Variants in MYSM1 observed in about 807,000 individuals in gnomAD.
The protein encoded by MYSM1 is deubiquitinase MYSM1.
Under a neutral mutation model 116.0 loss-of-function variants are expected in MYSM1, and 51 were observed. That is an observed-to-expected ratio of 0.44 (90% CI 0.35 to 0.56). MYSM1 has a LOEUF of 0.56. MYSM1 is among the 20% of genes least tolerant of loss of function. MYSM1 has a pLI of 0.00. For missense variants in MYSM1, 900 were observed against 974.9 expected, an observed-to-expected ratio of 0.92 and a Z score of 1.02; for synonymous variants, 313 against 315.2, an observed-to-expected ratio of 0.99 and a Z score of 0.07.
chr1:58,698,856 A>G (rs1243028450), intron 1 of MYSM1, among the ~76,000 whole-genome samples: 4 of 152,200 alleles, frequency 2.6e-5, no homozygotes, highest in Non-Finnish European at 5.9e-5. Context: ...TCACGTCTTT[A>G]TAGGGCTTTA....
rs531371011 is a variant in MYSM1, at chr1:58,696,039, C to G, written c.69-832G>C. Among the ~76,000 whole-genome samples, 9 of 152,306 alleles carry G rather than the reference C, an allele frequency of 5.9e-5. No individual in the cohort carries two copies. In the East Asian group the frequency reaches 1.7e-3, roughly 29 times the overall value. On this transcript the variant is annotated intron_variant, in intron 1 of 19. Coordinates refer to ENST00000472487, the MANE Select transcript of MYSM1 (RefSeq NM_001085487.3). ...TTTCAACAGGCTTATAAATCTGAAT[C>G]TTTAATTAGGCAGTAGTTATAATAA...
rs764650089 is a variant in MYSM1, at chr1:58,665,642, A to G, written c.2032-11T>C. ...TCTGGAGAAGTAACTCTACAATGAC[A>G]AGAAAAATATAATTAGTTTCAACTA... On this transcript the variant is annotated splice_polypyrimidine_tract_variant and intron_variant, in intron 16 of 19. Transcript: ENST00000472487. The G allele has an allele frequency of 6.8e-7, 1 of 1,470,768 alleles. No individual in the cohort carries two copies. Among genetic ancestry groups the G allele is most frequent in the Non-Finnish European group, 9.4e-7 (1 of 1,069,080 alleles). The allele number at this position is 1,470,768 out of a possible 1,614,324, so 91.1% of individuals were successfully genotyped here.
At chr1:58,694,924 C>T (rs968208177) in intron 2 of MYSM1, among the ~76,000 whole-genome samples, 22 of 152,062 alleles carry the variant, frequency 1.4e-4, no homozygotes, top group African/African-American at 5.1e-4. Context: ...GGCTCCAAAC[C>T]TGTTTCTCAA....
rs946991810 is a variant in MYSM1 at position 58,658,267 on chromosome 1, A to G, written c.*1730T>C. Reference sequence around the variant, plus strand: ...TCTTACACTCTCAGCCCTCAAACTAATTGTTTTATAAGCTATACTTCACTG... The same window carrying G: ...TCTTACACTCTCAGCCCTCAAACTAGTTGTTTTATAAGCTATACTTCACTG... On this transcript the variant is annotated 3_prime_UTR_variant, in exon 20 of 20. Transcript: ENST00000472487. 3 of 152,130 alleles carry G rather than the reference A, an allele frequency of 2.0e-5. No homozygotes were observed. Among genetic ancestry groups the G allele is most frequent in the African/African-American group, 7.2e-5 (3 of 41,426 alleles). The allele number at this position is 152,130 out of a possible 1,614,324, so 9.4% of individuals were successfully genotyped here. A position where few individuals can be genotyped will look rare whatever the true frequency, so the allele number is the denominator to read the frequency against.
rs1288315988 is a variant in MYSM1 at position 58,682,379 on chromosome 1, T to A, written c.665A>T (p.Glu222Val). Residue 222 changes from glutamate to valine, a missense_variant, in exon 8 of 20, where the codon GAA (glutamate) becomes GTA (valine). Around this residue, in one of 3 missense-constraint regions of MYSM1, gnomAD observed 622 missense variants for 623.7 expected, o/e 1.00. Transcript: ENST00000472487. ...GTCCACCTCATCTGTGATGTCTACT[T>A]CTTCATCATCAGATAACTTTTCAAT... ...VKIEKLSDDE[E>V]VDITDEVDEL... 1 of 1,613,922 alleles carries A rather than the reference T, an allele frequency of 6.2e-7. No individual in the cohort carries two copies. Among genetic ancestry groups the A allele is most frequent in the Admixed American group, 1.7e-5 (1 of 60,022 alleles).
chr1:58,660,833 C>T (rs879058794), intron 19 of MYSM1, among the ~76,000 whole-genome samples: 1 of 151,970 alleles, frequency 6.6e-6, no homozygotes, highest in Non-Finnish European at 1.5e-5. Flanking sequence ...TACCATCATT[C>T]TTAAAAATGA....
At position 58,699,899 on chromosome 1, in the gene MYSM1, C is replaced by T. The variant is rs796996492; in HGVS notation, c.68+86G>A. 8.5e-5 allele frequency: 135 copies of T among 1,592,624 alleles called. No individual in the cohort carries two copies. The African/African-American group carries it at 1.7e-3, about 20-fold the overall frequency. On this transcript the variant is annotated intron_variant, in intron 1 of 19. Transcript: ENST00000472487. The stretch of plus-strand genomic sequence containing the variant: ...GGGACAGTCTTCTGTTCCCTTTTCC[C>T]TTGCCGGACCTGCAGCTTTCCCAGG...
chr1:58,674,207 T>C (rs895757606), intron 10 of MYSM1, among the ~76,000 whole-genome samples: 10 of 152,200 alleles, frequency 6.6e-5, no homozygotes, highest in Non-Finnish European at 1.5e-4. Context: ...AGAAAATGGC[T>C]TCCTTTTCAA....
chr1:58,699,873 G>T, intron 1 of MYSM1, 112 bp downstream of exon 1: 1 of 1,521,276 alleles, frequency 6.6e-7, no homozygotes, highest in African/African-American at 1.4e-5. Flanking sequence ...CCCTGGCCCA[G>T]GGGACAGTCT....
chr1:58,700,030 ACATCC>A lies in MYSM1; in HGVS notation c.18_22del (p.Asp7GlyfsTer18), dbSNP rs1645040196. On this transcript the variant is annotated frameshift_variant, in exon 1 of 20. Transcript: ENST00000472487. LOFTEE classifies it high-confidence loss of function. ...CGCTACCACGTCCCCTTCGATATCC[ACATCC>A]GCCTCTTCAGCCGCCATGATGGGAC... 5 of 1,613,374 alleles carry A rather than the reference ACATCC, an allele frequency of 3.1e-6. No homozygotes were observed. Among genetic ancestry groups the A allele is most frequent in the Non-Finnish European group, 4.2e-6 (5 of 1,179,938 alleles).
At chr1:58,674,766 A>G (rs1644619534) in intron 10 of MYSM1, among the ~76,000 whole-genome samples, 1 of 151,954 alleles carries the variant, frequency 6.6e-6, no homozygotes, top group African/African-American at 2.4e-5. Flanking sequence ...TCTACTAAAA[A>G]TACAAAAAAA....
intron 7 of MYSM1, among the ~76,000 whole-genome samples, chr1:58,684,673 C>G (rs1019760844): frequency 6.6e-6 from 1 of 151,852 alleles, no homozygotes; most frequent in African/African-American, 2.4e-5. Context: ...TTAAACCTTT[C>G]TTAACACTGC....
chr1:58,681,866 G>A lies in MYSM1; in HGVS notation c.1178C>T (p.Ala393Val). 5 of 1,613,370 alleles carry A rather than the reference G, an allele frequency of 3.1e-6. No homozygotes were observed. Among genetic ancestry groups the A allele is most frequent in the Non-Finnish European group, 4.2e-6 (5 of 1,179,860 alleles). ...GCGCCCCTCAAAAAACTCAGGAATT[G>A]CTTGTTTTTCTTCTTCTTGAATGAT... ...RNIIQEEEKQ[A>V]IPEFFEGRQA... Residue 393 changes from alanine to valine, a missense_variant, in exon 8 of 20, where the codon GCA becomes GTA. Transcript: ENST00000472487.
intron 8 of MYSM1, among the ~76,000 whole-genome samples, chr1:58,679,202 C>T (rs1644701645): frequency 6.6e-6 from 1 of 152,124 alleles, no homozygotes; most frequent in Admixed American, 6.5e-5. Context: ...CCTCCAGTGC[C>T]TAACCACTCA....
At chr1:58,689,275 C>T (rs1042863285) in intron 5 of MYSM1, 159 bp from the exon 6 acceptor site, 1 of 574,044 alleles carries the variant, frequency 1.7e-6, no homozygotes, top group African/African-American at 1.9e-5. Flanking sequence ...ACAGCCTCTA[C>T]CTGGGGGCAG....
intron 1 of MYSM1, among the ~76,000 whole-genome samples, chr1:58,698,193 C>T (rs1471384136): frequency 3.4e-5 from 5 of 145,240 alleles, no homozygotes; most frequent in African/African-American, 7.7e-5. Flanking sequence ...CTCTGCCTCC[C>T]GGGTTCACGC....
intron 8 of MYSM1, among the ~76,000 whole-genome samples, chr1:58,677,455 C>T (rs674205): frequency 0.058 from 8,778 of 152,132 alleles, 791 homozygotes; most frequent in African/African-American, 0.2. Flanking sequence ...GATTCATCTA[C>T]TCTTATTTTG....
At chr1:58,680,659 C>G (rs1285554976) in intron 8 of MYSM1, among the ~76,000 whole-genome samples, 1 of 152,076 alleles carries the variant, frequency 6.6e-6, no homozygotes, top group Non-Finnish European at 1.5e-5. Flanking sequence ...TAGGTTACAG[C>G]AGGAAGTTAA....
intron 1 of MYSM1, among the ~76,000 whole-genome samples, chr1:58,698,586 G>A (rs1401122484): frequency 1.3e-5 from 2 of 149,848 alleles, no homozygotes; most frequent in Admixed American, 1.3e-4. Context: ...ATAAATCTAT[G>A]GAAGAAGCAT....
Sources: gnomAD v4.1 joint callset for allele counts (sites outside exome capture counted in the v4.1 genomes callset) on GRCh38, gnomAD v4.1.1 for gene constraint, gnomAD v4.1.1 regional missense constraint, MANE v1.5 for transcripts, NCBI Gene and HGNC (gene_info 2026-07-23, HGNC 2026-07-21) for gene names.